Variants in PTPRK observed in about 807,000 individuals in gnomAD.
The protein encoded by PTPRK is protein tyrosine phosphatase receptor type K.
PTPRK carries 75 observed loss-of-function variants against 178.0 expected under a neutral mutation model. The ratio of observed to expected loss-of-function variants is 0.42; its 90% CI spans 0.35 to 0.51. The LOEUF (loss-of-function observed/expected upper bound fraction) is 0.51, where lower values mean the gene tolerates loss of function less well. Ranked by LOEUF, PTPRK falls within the 20% of genes least tolerant of loss-of-function variation. The pLI is 0.02. For missense variants in PTPRK, 1,441 were observed against 1,797.8 expected, an observed-to-expected ratio of 0.80 and a Z score of 3.59; for synonymous variants, 637 against 620.6, an observed-to-expected ratio of 1.03 and a Z score of -0.39.
At chr6:128,305,114 G>C (rs1826182665) in intron 3 of PTPRK, among the ~76,000 whole-genome samples, 1 of 151,986 alleles carries the variant, frequency 6.6e-6, no homozygotes. Flanking sequence ...AAGAAGACAA[G>C]AAAGAGTCGA....
chr6:128,249,428 A>T (rs1255291425), intron 3 of PTPRK, among the ~76,000 whole-genome samples: 5 of 152,036 alleles, frequency 3.3e-5, no homozygotes, highest in Non-Finnish European at 5.9e-5. Flanking sequence ...TCAAATTTTG[A>T]TTTCATTTGA....
intron 13 of PTPRK, among the ~76,000 whole-genome samples, chr6:128,041,647 A>G (rs933568220): frequency 1.3e-5 from 2 of 152,104 alleles, no homozygotes; most frequent in South Asian, 2.1e-4. Flanking sequence ...AAAAATACTT[A>G]AGACTTTTCT....
At chr6:128,039,520 C>T (rs1206116346) in intron 13 of PTPRK, among the ~76,000 whole-genome samples, 1 of 152,062 alleles carries the variant, frequency 6.6e-6, no homozygotes, top group African/African-American at 2.4e-5. Flanking sequence ...TTTTATAAAA[C>T]TGGAATCAAA....
chr6:128,329,185 T>A (rs1321756905), intron 2 of PTPRK, among the ~76,000 whole-genome samples: 1 of 152,192 alleles, frequency 6.6e-6, no homozygotes, highest in African/African-American at 2.4e-5. Flanking sequence ...TTAGTGCTTT[T>A]ATTTATGTTG....
chr6:128,170,237 C>T (rs1800036717), intron 7 of PTPRK, among the ~76,000 whole-genome samples: 1 of 151,904 alleles, frequency 6.6e-6, no homozygotes, highest in Non-Finnish European at 1.5e-5. Flanking sequence ...GTTAAAACTC[C>T]CCTGCAGGCC....
intron 24 of PTPRK, 35 bp from the exon 25 acceptor site, chr6:127,981,324 T>C (rs1288032812): frequency 1.9e-6 from 3 of 1,569,870 alleles, no homozygotes; most frequent in East Asian, 4.5e-5. Flanking sequence ...TAAAAGACAG[T>C]GTGACCCATT....
chr6:127,987,689 C>T (rs1776139251), intron 21 of PTPRK, among the ~76,000 whole-genome samples: 1 of 151,926 alleles, frequency 6.6e-6, no homozygotes, highest in South Asian at 2.1e-4. Context: ...CAGTTTATTC[C>T]TCTTGCTGCC....
intron 13 of PTPRK, among the ~76,000 whole-genome samples, chr6:128,054,445 CTTT>C (rs1779568783): frequency 6.6e-6 from 1 of 152,208 alleles, no homozygotes; most frequent in African/African-American, 2.4e-5. Flanking sequence ...TATTTCTGCT[CTTT>C]TGTTAGTTCT....
intron 3 of PTPRK, among the ~76,000 whole-genome samples, chr6:128,280,609 T>C (rs1485709026): frequency 1.3e-5 from 2 of 152,130 alleles, no homozygotes; most frequent in Non-Finnish European, 2.9e-5. Context: ...TTTTTAAAGA[T>C]ATATATAAAA....
intron 29 of PTPRK, among the ~76,000 whole-genome samples, chr6:127,972,140 C>A (rs143619718): frequency 6.6e-6 from 1 of 152,170 alleles, no homozygotes; most frequent in Non-Finnish European, 1.5e-5. Context: ...CAGGAAGCAA[C>A]GCAACTCTTG....
intron 1 of PTPRK, among the ~76,000 whole-genome samples, chr6:128,453,302 C>T (rs963634400): frequency 2.0e-5 from 3 of 152,174 alleles, no homozygotes; most frequent in African/African-American, 7.2e-5. Flanking sequence ...GGACTCACTG[C>T]ATAGGCTCTG....
In PTPRK at chr6:128,078,798, G is replaced by T; in HGVS notation, c.1883+15C>A. 1 of 1,573,166 alleles carries T rather than the reference G, an allele frequency of 6.4e-7. No individual in the cohort carries two copies. Among genetic ancestry groups the T allele is most frequent in the South Asian group, 1.1e-5 (1 of 90,044 alleles). On this transcript the variant is annotated intron_variant, in intron 11 of 29. Coordinates refer to ENST00000368226, the MANE Select transcript of PTPRK (RefSeq NM_002844.4). Reference sequence around the variant, plus strand: ...CTGTGGATAAGGCAGAACTACTGTAGTTTTCTCCTCTTACCTGATAGGAGC... The same window carrying T: ...CTGTGGATAAGGCAGAACTACTGTATTTTTCTCCTCTTACCTGATAGGAGC...
chr6:128,358,440 GA>G lies in PTPRK; in HGVS notation c.224-36131del, dbSNP rs1162356097. ...GTAACCCAACAGTGTGCAGCTGAAT[GA>G]AAACACTGCTCCAACCACAGGGAAA... On this transcript the variant is annotated intron_variant, in intron 2 of 29. Coordinates refer to ENST00000368226, the MANE Select transcript of PTPRK (RefSeq NM_002844.4). 3.9e-5 allele frequency among the ~76,000 whole-genome samples: 6 copies of G among 152,324 alleles called. No individual in the cohort carries two copies. The East Asian group carries it at 1.2e-3, about 29-fold the overall frequency.
At chr6:128,036,942 G>T (rs966754293) in intron 13 of PTPRK, among the ~76,000 whole-genome samples, 5 of 152,090 alleles carry the variant, frequency 3.3e-5, no homozygotes, top group African/African-American at 9.7e-5. Flanking sequence ...ACGTTGGCCA[G>T]AATGCTCTTG....
chr6:128,469,126 T>C (rs1349863861), intron 1 of PTPRK, among the ~76,000 whole-genome samples: 2 of 152,108 alleles, frequency 1.3e-5, no homozygotes, highest in Admixed American at 6.6e-5. Context: ...AACAAACCAG[T>C]ATCTAACATT....
chr6:128,057,263 T>C (rs1780057447), intron 13 of PTPRK, among the ~76,000 whole-genome samples: 1 of 152,202 alleles, frequency 6.6e-6, no homozygotes, highest in African/African-American at 2.4e-5. Context: ...ATATAGATAT[T>C]GTACAGAAAA....
intron 3 of PTPRK, among the ~76,000 whole-genome samples, chr6:128,289,219 A>AT (rs1356325104): frequency 1.3e-5 from 2 of 152,166 alleles, no homozygotes; most frequent in Non-Finnish European, 2.9e-5. Flanking sequence ...CTCTGACATT[A>AT]TAAACCACTA....
intron 3 of PTPRK, among the ~76,000 whole-genome samples, chr6:128,257,085 C>A (rs1289949158): frequency 4.0e-5 from 6 of 151,722 alleles, no homozygotes; most frequent in African/African-American, 1.5e-4. Context: ...ACAAAATTAG[C>A]CAGGCATGGT....
intron 5 of PTPRK, among the ~76,000 whole-genome samples, chr6:128,237,431 A>G (rs545910142): frequency 4.6e-5 from 7 of 152,316 alleles, no homozygotes; most frequent in African/African-American, 9.6e-5. Context: ...TGTTCTCACA[A>G]TGATACTTAA....
Sources: allele counts gnomAD v4.1 joint callset (sites outside exome capture counted in the v4.1 genomes callset), GRCh38; gene constraint gnomAD v4.1.1; transcripts MANE v1.5; gene names NCBI Gene and HGNC (gene_info 2026-07-23, HGNC 2026-07-21).